The following SLC9A9 variants were observed in gnomAD, a reference collection of about 807,000 sequenced individuals.
SLC9A9 encodes solute carrier family 9 member A9.
A neutral mutation model predicts 77.8 loss-of-function variants in SLC9A9; 62 were observed. The ratio of observed to expected loss-of-function variants is 0.80; its 90% confidence interval spans 0.65 to 0.98. The LOEUF (loss-of-function observed/expected upper bound fraction) is 0.98, where lower values mean the gene tolerates loss of function less well. Among genes scored for constraint, SLC9A9 ranks in the 50% least tolerant of loss-of-function variants. The pLI is 0.00. For missense variants in SLC9A9, 775 were observed against 774.9 expected (o/e 1.00, Z 0.00); for synonymous variants, 320 against 283.5 (o/e 1.13, Z -1.29).
chr3:143,689,372 C>T (rs918216023), intron 5 of SLC9A9, among the ~76,000 whole-genome samples: 3 of 152,058 alleles, frequency 2.0e-5, no homozygotes, highest in East Asian at 1.9e-4. Context: ...GGGTACTCTT[C>T]GACTACTAAA....
intron 14 of SLC9A9, among the ~76,000 whole-genome samples, chr3:143,278,007 C>G (rs1938104136): frequency 1.3e-5 from 2 of 152,254 alleles, no homozygotes; most frequent in Non-Finnish European, 2.9e-5. Flanking sequence ...TCCCATACTC[C>G]CTGGGGCTGG....
chr3:143,523,640 T>C (rs528128501), intron 9 of SLC9A9, among the ~76,000 whole-genome samples: 1 of 152,168 alleles, frequency 6.6e-6, no homozygotes, highest in Admixed American at 6.5e-5. Flanking sequence ...ATTTAATACC[T>C]ACTGTGCAAA....
intron 6 of SLC9A9, among the ~76,000 whole-genome samples, chr3:143,610,078 A>G (rs2037997598): frequency 6.6e-6 from 1 of 152,134 alleles, no homozygotes; most frequent in South Asian, 2.1e-4. Context: ...TGAGCTTCAT[A>G]ATATATTTTC....
At chr3:143,465,146 G>A (rs182088746) in intron 12 of SLC9A9, among the ~76,000 whole-genome samples, 21 of 152,322 alleles carry the variant, frequency 1.4e-4, no homozygotes, top group Admixed American at 1.2e-3. Flanking sequence ...CTGGGGCATC[G>A]CCATGACCTG....
At chr3:143,503,729 C>T in intron 9 of SLC9A9, 1 of 361,786 alleles carries the variant, frequency 2.8e-6, no homozygotes, top group East Asian at 7.9e-5. Flanking sequence ...TTCTAGGTGG[C>T]ATTGATGGCA....
At chr3:143,576,727 A>C (rs2037365825) in intron 7 of SLC9A9, among the ~76,000 whole-genome samples, 1 of 152,194 alleles carries the variant, frequency 6.6e-6, no homozygotes, top group Non-Finnish European at 1.5e-5. Context: ...CTTCACATCC[A>C]ATAAAAATAG....
At chr3:143,297,719 CTTGT>C (rs968275184) in intron 14 of SLC9A9, among the ~76,000 whole-genome samples, 19 of 152,166 alleles carry the variant, frequency 1.2e-4, no homozygotes, top group East Asian at 3.9e-4. Flanking sequence ...CTTTCACCTG[CTTGT>C]TTAAGTTTAT....
chr3:143,537,712 CA>C lies in SLC9A9; in HGVS notation c.1089+14649del, dbSNP rs546027394. Among the ~76,000 whole-genome samples, 19 of 152,300 alleles carry C rather than the reference CA, an allele frequency of 1.2e-4. No individual in the cohort carries two copies. The East Asian group carries it at 3.7e-3, about 29-fold the overall frequency. On this transcript the variant is annotated intron_variant, in intron 9 of 15. Transcript: ENST00000316549. ...ATTCCGGGGATGGGGTGGGCTCCAG[CA>C]GGGTCACTTGTGTTCCCAGGGAAAC...
intron 4 of SLC9A9, among the ~76,000 whole-genome samples, chr3:143,709,166 A>C (rs1934074984): frequency 6.6e-6 from 1 of 152,178 alleles, no homozygotes; most frequent in Non-Finnish European, 1.5e-5. Flanking sequence ...GTATTGCTAT[A>C]TTGTATAATT....
intron 9 of SLC9A9, among the ~76,000 whole-genome samples, chr3:143,519,486 C>T (rs2036260324): frequency 6.6e-6 from 1 of 152,052 alleles, no homozygotes; most frequent in South Asian, 2.1e-4. Flanking sequence ...AACCAGGTGA[C>T]CTAGGAATGT....
At chr3:143,531,111 C>A (rs760028701) in intron 9 of SLC9A9, among the ~76,000 whole-genome samples, 15 of 152,192 alleles carry the variant, frequency 9.9e-5, no homozygotes, top group Admixed American at 3.9e-4. Context: ...ACTATTCATT[C>A]AACAACAGCT....
chr3:143,390,252 C>T (rs1051227228), intron 12 of SLC9A9, among the ~76,000 whole-genome samples: 4 of 152,182 alleles, frequency 2.6e-5, no homozygotes, highest in Admixed American at 2.6e-4. Context: ...CTATCTTTAA[C>T]TCTTTGCTGA....
At chr3:143,597,222 G>A (rs769413448) in intron 6 of SLC9A9, among the ~76,000 whole-genome samples, 2 of 152,220 alleles carry the variant, frequency 1.3e-5, no homozygotes, top group Non-Finnish European at 2.9e-5. Context: ...GCTTGGCTTG[G>A]AGCCACTATT....
chr3:143,773,551 C>T (rs574078655), intron 4 of SLC9A9, among the ~76,000 whole-genome samples: 17 of 150,300 alleles, frequency 1.1e-4, no homozygotes, highest in African/African-American at 4.2e-4. Context: ...ATGGCGCGAT[C>T]TTGGCTCACT....
At chr3:143,769,884 A>G (rs777170082) in intron 4 of SLC9A9, among the ~76,000 whole-genome samples, 7 of 152,182 alleles carry the variant, frequency 4.6e-5, no homozygotes, top group African/African-American at 7.2e-5. Flanking sequence ...GTTGTGTGGA[A>G]TCCCTAGGGA....
chr3:143,771,672 A>G (rs1283804775), intron 4 of SLC9A9, among the ~76,000 whole-genome samples: 4 of 152,124 alleles, frequency 2.6e-5, no homozygotes, highest in Non-Finnish European at 5.9e-5. Context: ...ATTTTACTGG[A>G]ATTTGGAGTA....
intron 4 of SLC9A9, among the ~76,000 whole-genome samples, chr3:143,724,062 T>G (rs2108804597): frequency 6.6e-6 from 1 of 152,342 alleles, no homozygotes; most frequent in South Asian, 2.1e-4. Flanking sequence ...TGAAGCCCAC[T>G]GCAGCGATTG....
chr3:143,589,435 G>T (rs746727532), intron 6 of SLC9A9, among the ~76,000 whole-genome samples: 1 of 151,908 alleles, frequency 6.6e-6, no homozygotes, highest in Non-Finnish European at 1.5e-5. Flanking sequence ...ATTACAATAC[G>T]GTATTTTTTT....
intron 6 of SLC9A9, among the ~76,000 whole-genome samples, chr3:143,642,477 T>G (rs192074886): frequency 2.3e-4 from 35 of 152,340 alleles, no homozygotes; most frequent in African/African-American, 8.2e-4. Flanking sequence ...GTTGCTCAAA[T>G]AGACTCTTTA....
Sources: gnomAD v4.1 joint callset for allele counts (sites outside exome capture counted in the v4.1 genomes callset) on GRCh38, gnomAD v4.1.1 for gene constraint, MANE v1.5 for transcripts, NCBI Gene and HGNC (gene_info 2026-07-23, HGNC 2026-07-21) for gene names.